FTCDNL1: variants seen among roughly 807,000 people sequenced by gnomAD.
The protein encoded by FTCDNL1 is formiminotransferase N-terminal subdomain-containing protein.
FTCDNL1 carries 11 observed loss-of-function variants against 5.9 expected under a neutral mutation model. The ratio of observed to expected loss-of-function variants is 1.87; its 90% CI spans 1.18 to 3.10. The LOEUF (loss-of-function observed/expected upper bound fraction) is 3.10, where lower values mean the gene tolerates loss of function less well. Among genes scored for constraint, FTCDNL1 ranks in the 30% most tolerant of loss-of-function variants. FTCDNL1 has a pLI of 0.00. For synonymous variants in FTCDNL1, 58 were observed against 24.8 expected (o/e 2.34, Z -3.99); for missense variants, 115 against 65.5 (o/e 1.76, Z -2.61).
the FTCDNL1 span, among the ~76,000 whole-genome samples, chr2:199,672,823 C>T: frequency 6.6e-6 from 1 of 152,094 alleles, no homozygotes; most frequent in Admixed American, 6.6e-5. Flanking sequence ...GCAGAAGCTG[C>T]ATCTCTGCTC....
chr2:199,817,655 A>G (rs1351080363), intron 4 of FTCDNL1, among the ~76,000 whole-genome samples: 1 of 151,848 alleles, frequency 6.6e-6, no homozygotes, highest in East Asian at 1.9e-4. Context: ...AGGTGGGGGA[A>G]TCACCTGAGC....
chr2:199,778,199 A>G (rs533377738), intron 3 of FTCDNL1, among the ~76,000 whole-genome samples: 39 of 152,296 alleles, frequency 2.6e-4, no homozygotes, highest in African/African-American at 9.4e-4. Flanking sequence ...CAGCTGATAC[A>G]TATTTAGGTC....
chr2:199,704,431 G>A, the FTCDNL1 span, among the ~76,000 whole-genome samples: 1 of 152,088 alleles, frequency 6.6e-6, no homozygotes, highest in African/African-American at 2.4e-5. Context: ...GGAAGACTGG[G>A]GGGAAGAGGG....
At chr2:199,695,720 TG>T in the FTCDNL1 span, among the ~76,000 whole-genome samples, 1 of 152,258 alleles carries the variant, frequency 6.6e-6, no homozygotes, top group Non-Finnish European at 1.5e-5. Context: ...CACAGACATT[TG>T]AGCTGGCAGG....
the FTCDNL1 span, among the ~76,000 whole-genome samples, chr2:199,677,314 A>G: frequency 6.6e-6 from 1 of 152,226 alleles, no homozygotes; most frequent in Non-Finnish European, 1.5e-5. Flanking sequence ...CTACTTGCTG[A>G]TATCAATTAC....
At chr2:199,745,839 A>C in the FTCDNL1 span, among the ~76,000 whole-genome samples, 1 of 123,372 alleles carries the variant, frequency 8.1e-6, no homozygotes, top group African/African-American at 3.2e-5. Flanking sequence ...ATGAACTCCT[A>C]TCCAAGTAAC....
At chr2:199,667,627 C>A in the FTCDNL1 span, among the ~76,000 whole-genome samples, 5 of 152,056 alleles carry the variant, frequency 3.3e-5, no homozygotes, top group African/African-American at 1.2e-4. Flanking sequence ...CAGAGTGAGA[C>A]CCTGTCTCAA....
chr2:199,675,529 GT>G, the FTCDNL1 span, among the ~76,000 whole-genome samples: 1 of 152,094 alleles, frequency 6.6e-6, no homozygotes, highest in Non-Finnish European at 1.5e-5. Flanking sequence ...CAAAATTACA[GT>G]GCTTTAACAA....
At chr2:199,832,147 G>A (rs1702414018) in intron 3 of FTCDNL1, among the ~76,000 whole-genome samples, 1 of 152,166 alleles carries the variant, frequency 6.6e-6, no homozygotes, top group Admixed American at 6.5e-5. Flanking sequence ...TATGTATACA[G>A]AAGCTTATTA....
At chr2:199,692,848 C>T in the FTCDNL1 span, among the ~76,000 whole-genome samples, 2 of 152,152 alleles carry the variant, frequency 1.3e-5, no homozygotes, top group East Asian at 3.8e-4. Flanking sequence ...TAAACCAAAT[C>T]GAGGCTTAAT....
the FTCDNL1 span, among the ~76,000 whole-genome samples, chr2:199,666,951 A>G: frequency 9.2e-5 from 14 of 151,514 alleles, no homozygotes; most frequent in Non-Finnish European, 1.6e-4. Context: ...GATCTAGTGA[A>G]GTGGAGTTGC....
chr2:199,776,925 T>C (rs1226098901), intron 3 of FTCDNL1, among the ~76,000 whole-genome samples: 1 of 144,928 alleles, frequency 6.9e-6, no homozygotes, highest in African/African-American at 2.7e-5. Flanking sequence ...TGTATATATA[T>C]ATACACACAC....
intron 3 of FTCDNL1, among the ~76,000 whole-genome samples, chr2:199,779,092 A>G (rs762299618): frequency 2.6e-5 from 4 of 152,260 alleles, no homozygotes; most frequent in Non-Finnish European, 4.4e-5. Flanking sequence ...TAAAGACTTA[A>G]AAGTCCTGTT....
intron 3 of FTCDNL1, among the ~76,000 whole-genome samples, chr2:199,826,488 C>CAA (rs35457727): frequency 1.7e-5 from 2 of 121,186 alleles, no homozygotes; most frequent in South Asian, 2.7e-4. Context: ...ATTTCTCAGT[C>CAA]AAAAAAAAAA....
chr2:199,667,278 G>A, the FTCDNL1 span, among the ~76,000 whole-genome samples: 1 of 152,100 alleles, frequency 6.6e-6, no homozygotes, highest in Non-Finnish European at 1.5e-5. Flanking sequence ...TCTTTGAAAG[G>A]TCTAGGCATT....
intron 3 of FTCDNL1, among the ~76,000 whole-genome samples, chr2:199,764,582 C>T (rs979109109): frequency 6.6e-6 from 1 of 152,174 alleles, no homozygotes; most frequent in Non-Finnish European, 1.5e-5. Flanking sequence ...TCTCTACTTC[C>T]TACCTTATAA....
intron 4 of FTCDNL1, among the ~76,000 whole-genome samples, chr2:199,813,912 CAAAAAAAAAAA>C (rs397987315): frequency 4.0e-4 from 43 of 106,368 alleles, no homozygotes; most frequent in Admixed American, 1.4e-3. Flanking sequence ...GACTCTGTCT[CAAAAAAAAAAA>C]AAAAAAAAAA....
At chr2:199,676,476 T>A in the FTCDNL1 span, among the ~76,000 whole-genome samples, 5 of 152,000 alleles carry the variant, frequency 3.3e-5, no homozygotes, top group East Asian at 7.7e-4. Context: ...GGTCTCCAAC[T>A]TTTTTGATCA....
At chr2:199,786,869 G>A (rs909040256) in intron 3 of FTCDNL1, among the ~76,000 whole-genome samples, 1 of 152,178 alleles carries the variant, frequency 6.6e-6, no homozygotes, top group African/African-American at 2.4e-5. Flanking sequence ...AGTCTGAAGT[G>A]GGTCTCATTG....
Sources: allele counts gnomAD v4.1 joint callset (sites outside exome capture counted in the v4.1 genomes callset), GRCh38; gene constraint gnomAD v4.1.1; transcripts MANE v1.5; gene names NCBI Gene and HGNC (gene_info 2026-07-23, HGNC 2026-07-21).